ADAMTSL4: variants seen among roughly 807,000 people sequenced by gnomAD.
The protein encoded by ADAMTSL4 is ADAMTS like 4, also known as ADAMTS-like protein 4.
A neutral mutation model predicts 122.8 loss-of-function variants in ADAMTSL4; 97 were observed. The ratio of observed to expected loss-of-function variants is 0.79; its 90% CI spans 0.67 to 0.93. The LOEUF (loss-of-function observed/expected upper bound fraction) is 0.93. ADAMTSL4 is among the 40% of genes least tolerant of loss of function. ADAMTSL4 has a pLI of 0.00. For missense variants in ADAMTSL4, 1,408 were observed against 1,453.5 expected, an observed-to-expected ratio of 0.97 and a Z score of 0.51; for synonymous variants, 592 against 568.0, an observed-to-expected ratio of 1.04 and a Z score of -0.60.
Position 150,553,587 on chromosome 1 carries a change from C to T in ADAMTSL4, c.596C>T (p.Pro199Leu). 6.2e-7 allele frequency: 1 copy of T among 1,613,874 alleles called. No individual in the cohort carries two copies. Among genetic ancestry groups the T allele is most frequent in the Non-Finnish European group, 8.5e-7 (1 of 1,179,956 alleles). ...RGEEAIPSPT[P>L]RAEPFSANGS... ...GAAGAGGCTATTCCGTCCCCTACTCCAAGAGCAGAGCCATTCTCCGCAAAC... is the reference window on the plus strand; with the variant it reads ...GAAGAGGCTATTCCGTCCCCTACTCTAAGAGCAGAGCCATTCTCCGCAAAC... The change falls in exon 6 of 19, where the codon CCA becomes CTA. Residue 199 changes from proline (P) to leucine (L), a missense_variant. By Grantham distance (98) the Pro-to-Leu change is moderately conservative. Coordinates refer to ENST00000271643, the MANE Select transcript of ADAMTSL4 (RefSeq NM_019032.6).
chr1:150,553,079 G>T lies in ADAMTSL4; in HGVS notation c.260G>T (p.Arg87Leu). 7.1e-7 allele frequency: 1 copy of T among 1,411,836 alleles called. No homozygotes were observed. Among genetic ancestry groups the T allele is most frequent in the Non-Finnish European group, 9.8e-7 (1 of 1,021,302 alleles). 87.5% of individuals were successfully genotyped at this position (1,411,836 alleles called of 1,614,324 possible). A position where few individuals can be genotyped will look rare whatever the true frequency, so the allele number is the denominator to read the frequency against. ...CACCCGAGTCTGCCCCTCCCTCCCC[G>T]GCCCCCAAGACATCCAGAAGCCCTC... Reference protein sequence around the residue: ...QLHPSLPLPPRPPRHPEALLP... With the variant: ...QLHPSLPLPPLPPRHPEALLP... Residue 87 changes from arginine to leucine, a missense_variant, in exon 5 of 19, where the codon CGG (arginine) becomes CTG (leucine). Transcript: ENST00000271643.
Position 150,560,555 on chromosome 1 carries a change from A to T in ADAMTSL4, c.*359A>T. The T allele has an allele frequency of 3.0e-6, 1 of 335,768 alleles. No homozygotes were observed. Among genetic ancestry groups the T allele is most frequent in the Non-Finnish European group, 5.7e-6 (1 of 174,660 alleles). The allele number at this position is 335,768 out of a possible 1,614,324, so 20.8% of individuals were successfully genotyped here. A position where few individuals can be genotyped will look rare whatever the true frequency, so the allele number is the denominator to read the frequency against. On this transcript the variant is annotated 3_prime_UTR_variant, in exon 19 of 19. Coordinates refer to ENST00000271643, the MANE Select transcript of ADAMTSL4 (RefSeq NM_019032.6). Reference sequence around the variant, plus strand: ...GAAAGCAAGTCTGCAGTTCCTTGCTAATCTGAGCTACTTAGAGTGTGGTCT... The same window carrying T: ...GAAAGCAAGTCTGCAGTTCCTTGCTTATCTGAGCTACTTAGAGTGTGGTCT...
rs1166935236 is a variant in ADAMTSL4 at position 150,560,181 on chromosome 1, C to G, written c.3210C>G (p.Pro1070=). The G allele has an allele frequency of 1.1e-5, 18 of 1,614,048 alleles. No individual in the cohort carries two copies. Among genetic ancestry groups the G allele is most frequent in the Non-Finnish European group, 1.5e-5 (18 of 1,179,998 alleles). The part of the protein sequence containing the change: ...RSCAHVLERS[P]QDPS ...GCGCACATGTCCTGGAGCGGTCTCC[C>G]CAGGATCCCTCCTGAAAGGGGTCCG... Residue 1070 remains proline, a synonymous_variant, in exon 19 of 19, where the codon CCC becomes CCG. Coordinates refer to ENST00000271643, the MANE Select transcript of ADAMTSL4 (RefSeq NM_019032.6).
In ADAMTSL4 at chr1:150,557,640, C is replaced by A. The variant is rs1672313145; in HGVS notation, c.2177+17C>A. 6.3e-6 allele frequency: 10 copies of A among 1,595,636 alleles called. No individual in the cohort carries two copies. Among genetic ancestry groups the A allele is most frequent in the Non-Finnish European group, 7.7e-6 (9 of 1,171,248 alleles). ...CCCCCCATAGTGAGTATGGGGGAGC[C>A]CACGGGGAGGGTTAGGGTACTGGAA... On this transcript the variant is annotated intron_variant, in intron 13 of 18. Coordinates refer to ENST00000271643, the MANE Select transcript of ADAMTSL4 (RefSeq NM_019032.6).
intron 8 of ADAMTSL4, 103 bp downstream of exon 8, chr1:150,555,668 C>A (rs1283292672): frequency 1.3e-6 from 2 of 1,496,606 alleles, no homozygotes; most frequent in African/African-American, 2.8e-5. Context: ...AACACATGCA[C>A]ACATGCAAGC....
intron 15 of ADAMTSL4, 112 bp from the exon 16 acceptor site, chr1:150,558,850 A>T: frequency 6.5e-7 from 1 of 1,537,924 alleles, no homozygotes; most frequent in Admixed American, 2.0e-5. Context: ...ACCCGGGGAC[A>T]TTCCCAACCA....
rs1177269038 is a variant in ADAMTSL4 at position 150,553,539 on chromosome 1, T to C, written c.548T>C (p.Leu183Pro). The C allele has an allele frequency of 1.2e-6, 2 of 1,613,588 alleles. No individual in the cohort carries two copies. Among genetic ancestry groups the C allele is most frequent in the Non-Finnish European group, 1.7e-6 (2 of 1,179,896 alleles). The change falls in exon 6 of 19, where the codon CTG becomes CCG. Residue 183 changes from leucine (L) to proline (P), a missense_variant. Coordinates refer to ENST00000271643, the MANE Select transcript of ADAMTSL4 (RefSeq NM_019032.6). ...CCTCGGAGCCCACCCAGATCTGAGC[T>C]GTCCCTGATCTCTTCTAGAGGGGAA... ...RHPRSPPRSE[L>P]SLISSRGEEA...
At position 150,560,846 on chromosome 1, in the gene ADAMTSL4, C is replaced by T. The variant is rs587679237; in HGVS notation, c.*650C>T. Reference sequence around the variant, plus strand: ...GAGCATCCGCTCCCCCACCACCCCGCCCAGCCCCTAGCCCCACTCCCTGCC... The same window carrying T: ...GAGCATCCGCTCCCCCACCACCCCGTCCAGCCCCTAGCCCCACTCCCTGCC... On this transcript the variant is annotated 3_prime_UTR_variant, in exon 19 of 19. Transcript: ENST00000271643. 7 of 159,216 alleles carry T rather than the reference C, an allele frequency of 4.4e-5. No homozygotes were observed. The highest frequency in any genetic ancestry group is 1.2e-4 in the Admixed American group (2 of 16,396). The allele number at this position is 159,216 out of a possible 1,614,324, so 9.9% of individuals were successfully genotyped here. A position where few individuals can be genotyped will look rare whatever the true frequency, so the allele number is the denominator to read the frequency against.
intron 2 of ADAMTSL4, 133 bp downstream of exon 2, chr1:150,550,028 A>G (rs1671236520): frequency 3.2e-6 from 1 of 315,414 alleles, no homozygotes; most frequent in Non-Finnish European, 6.5e-6. Flanking sequence ...CAGGACAGGG[A>G]TTCTCCATGG....
In ADAMTSL4 at chr1:150,559,769, C is replaced by A; in HGVS notation, c.2952C>A (p.Arg984=). 1 of 1,613,948 alleles carries A rather than the reference C, an allele frequency of 6.2e-7. No individual in the cohort carries two copies. The highest frequency in any genetic ancestry group is 1.1e-5 in the South Asian group (1 of 91,086). The change falls in exon 18 of 19, where the codon CGC becomes CGA. Residue 984 remains arginine (R), a synonymous_variant. Coordinates refer to ENST00000271643, the MANE Select transcript of ADAMTSL4 (RefSeq NM_019032.6). The surrounding 1 kb of genome is among the most constrained non-coding windows in gnomAD (Gnocchi z 4.1). The part of the protein sequence containing the change: ...WFSTPWSPCS[R]SCQGGTQTRE... ...GGCTGGGGTCGCCCCAGTGTTCTCGCTCCTGCCAAGGGGGAACGCAGACAC... is the reference window on the plus strand; with the variant it reads ...GGCTGGGGTCGCCCCAGTGTTCTCGATCCTGCCAAGGGGGAACGCAGACAC...
Position 150,552,729 on chromosome 1 carries a change from C to G in ADAMTSL4, c.78+129C>G. On this transcript the variant is annotated intron_variant, in intron 4 of 18. Transcript: ENST00000271643. The surrounding 1 kb of genome is among the most constrained non-coding windows in gnomAD (Gnocchi z 4.0). ...CCACCCACCTCCCCTGCCAACTCCC[C>G]AGTTCCTTGCCTCATAACACCAAGA... The G allele has an allele frequency of 7.4e-7, 1 of 1,346,748 alleles. No individual in the cohort carries two copies. The highest frequency in any genetic ancestry group is 2.2e-4 in the Middle Eastern group (1 of 4,534). 83.4% of individuals were successfully genotyped at this position (1,346,748 alleles called of 1,614,324 possible). A position where few individuals can be genotyped will look rare whatever the true frequency, so the allele number is the denominator to read the frequency against.
chr1:150,552,564 G>A lies in ADAMTSL4; in HGVS notation c.42G>A (p.Leu14=). 1 of 1,614,032 alleles carries A rather than the reference G, an allele frequency of 6.2e-7. No individual in the cohort carries two copies. Among genetic ancestry groups the A allele is most frequent in the Non-Finnish European group, 8.5e-7 (1 of 1,179,980 alleles). Residue 14 remains leucine (L), a synonymous_variant, in exon 4 of 19, where the codon CTG becomes CTA. Coordinates refer to ENST00000271643, the MANE Select transcript of ADAMTSL4 (RefSeq NM_019032.6). This position sits in a 1 kb window ranked among gnomAD's most constrained non-coding sequence, Gnocchi z 4.0. ...WTGRPWLYLL[L]LLSLPQLCLD... is the part of the protein sequence containing the mutation. Reference sequence around the variant, plus strand: ...GCAGGCCCTGGCTGTATCTGCTGCTGCTTCTGTCCCTCCCTCAGCTCTGCT... The same window carrying A: ...GCAGGCCCTGGCTGTATCTGCTGCTACTTCTGTCCCTCCCTCAGCTCTGCT...
In ADAMTSL4 at chr1:150,552,768, T is replaced by C; in HGVS notation, c.79-130T>C. 1 of 1,289,976 alleles carries C rather than the reference T, an allele frequency of 7.8e-7. No homozygotes were observed. The highest frequency in any genetic ancestry group is 1.1e-6 in the Non-Finnish European group (1 of 903,192). 79.9% of individuals were successfully genotyped at this position (1,289,976 alleles called of 1,614,324 possible). A position where few individuals can be genotyped will look rare whatever the true frequency, so the allele number is the denominator to read the frequency against. ...ATAACACCAAGAGGCCGAGGTGTAG[T>C]TCTCCCTCTGCTGCTGAATGTGACC... On this transcript the variant is annotated intron_variant, in intron 4 of 18. Transcript: ENST00000271643. This position sits in a 1 kb window ranked among gnomAD's most constrained non-coding sequence, Gnocchi z 4.0.
In ADAMTSL4 at chr1:150,556,025, G is replaced by A; in HGVS notation, c.1372-137G>A. On this transcript the variant is annotated intron_variant, in intron 8 of 18. Transcript: ENST00000271643. The surrounding 1 kb of genome is among the most constrained non-coding windows in gnomAD (Gnocchi z 4.1). ...TGTCCATGTCCCTGGGTCTGGCTGG[G>A]GATGGTGGGGCTGTTTTTGTGCTCT... 1 of 865,512 alleles carries A rather than the reference G, an allele frequency of 1.2e-6. No individual in the cohort carries two copies. Among genetic ancestry groups the A allele is most frequent in the Non-Finnish European group, 1.9e-6 (1 of 535,612 alleles). 53.6% of individuals were successfully genotyped at this position (865,512 alleles called of 1,614,324 possible). A position where few individuals can be genotyped will look rare whatever the true frequency, so the allele number is the denominator to read the frequency against.
rs1671671135 is a variant in ADAMTSL4 at position 150,553,598 on chromosome 1, C to T, written c.607C>T (p.Pro203Ser). 3 of 1,613,880 alleles carry T rather than the reference C, an allele frequency of 1.9e-6. No homozygotes were observed. The East Asian group carries it at 6.7e-5, about 36-fold the overall frequency. The change falls in exon 6 of 19, where the codon CCA becomes TCA. Residue 203 changes from proline to serine, a missense_variant. Transcript: ENST00000271643. ...TCCGTCCCCTACTCCAAGAGCAGAG[C>T]CATTCTCCGCAAACGGCAGCCCCCA... ...AIPSPTPRAE[P>S]FSANGSPQTE...
chr1:150,553,493 C>G lies in ADAMTSL4; in HGVS notation c.502C>G (p.Leu168Val). ...TGGGAGAGTGCCCTTTGCATTGCCA[C>G]TGCACCGGAACCGCAGGCACCCTCG... Reference protein sequence around the residue: ...GYGRVPFALPLHRNRRHPRSP... With the variant: ...GYGRVPFALPVHRNRRHPRSP... Residue 168 changes from leucine (L) to valine (V), a missense_variant, in exon 6 of 19, where the codon CTG (leucine) becomes GTG (valine). Physicochemically the swap from Leu to Val is conservative, Grantham distance 32. Transcript: ENST00000271643. The G allele has an allele frequency of 6.2e-7, 1 of 1,613,952 alleles. No homozygotes were observed. Among genetic ancestry groups the G allele is most frequent in the Non-Finnish European group, 8.5e-7 (1 of 1,179,976 alleles).
chr1:150,551,913 T>C (rs1342892942), intron 2 of ADAMTSL4: 1 of 258,334 alleles, frequency 3.9e-6, no homozygotes, highest in Admixed American at 5.2e-5. Context: ...AAAAGCCTTT[T>C]GTGTGTGCCT....
intron 2 of ADAMTSL4, chr1:150,550,121 T>C: frequency 2.4e-6 from 1 of 423,508 alleles, no homozygotes; most frequent in South Asian, 1.7e-5. Context: ...AGGTCTCTGT[T>C]CCTTGGTCTT....
Position 150,559,186 on chromosome 1 carries a change from G to C in ADAMTSL4, c.2763+21G>C. The C allele has an allele frequency of 6.2e-7, 1 of 1,612,098 alleles. No individual in the cohort carries two copies. The highest frequency in any genetic ancestry group is 8.5e-7 in the Non-Finnish European group (1 of 1,179,304). On this transcript the variant is annotated intron_variant, in intron 16 of 18. Transcript: ENST00000271643. The surrounding 1 kb of genome is among the most constrained non-coding windows in gnomAD (Gnocchi z 4.1). ...GTGAGGTAAGCTGAGCGCCTGCTGA[G>C]AGCAGGAAGGGGGTGCCAGTCCCAG... is the stretch of plus-strand genomic sequence containing the variant.
Sources: gnomAD v4.1 joint callset for allele counts on GRCh38, gnomAD v4.1.1 for gene constraint, Gnocchi (gnomAD v3.1) non-coding constraint, MANE v1.5 for transcripts, NCBI Gene and HGNC (gene_info 2026-07-23, HGNC 2026-07-21) for gene names.